The following MYO1C variants were observed in gnomAD, a reference collection of about 807,000 sequenced individuals.
MYO1C encodes the protein myosin IC, also known as unconventional myosin-Ic.
A neutral mutation model predicts 150.8 loss-of-function variants in MYO1C; 104 were observed. The ratio of observed to expected loss-of-function variants is 0.69; its 90% CI spans 0.59 to 0.81. The LOEUF (loss-of-function observed/expected upper bound fraction) is 0.81. MYO1C is among the 30% of genes least tolerant of loss of function. The pLI is 0.00. For synonymous variants in MYO1C, 663 were observed against 579.9 expected, an observed-to-expected ratio of 1.14 and a Z score of -2.06; for missense variants, 1,504 against 1,435.0, an observed-to-expected ratio of 1.05 and a Z score of -0.78.
chr17:1,467,048 G>C (rs148347665), intron 31 of MYO1C, among the ~76,000 whole-genome samples, 194 bp downstream of exon 31: 1 of 152,204 alleles, frequency 6.6e-6, no homozygotes, highest in Non-Finnish European at 1.5e-5. Flanking sequence ...ATGAGCCACC[G>C]TGCTGCCACC....
At position 1,479,378 on chromosome 17, in the gene MYO1C, G is replaced by T; in HGVS notation, c.1092+53C>A. On this transcript the variant is annotated intron_variant, in intron 9 of 31. Transcript: ENST00000648651. This position sits in a 1 kb window ranked among gnomAD's most constrained non-coding sequence, Gnocchi z 4.2. The stretch of plus-strand genomic sequence containing the variant: ...GCGAAGGGGAGTGATGGGAGTAGGG[G>T]CTGCCTTGGAACAGCTGCCCCTCCA... 1 of 846,234 alleles carries T rather than the reference G, an allele frequency of 1.2e-6. No homozygotes were observed. The highest frequency in any genetic ancestry group is 1.9e-6 in the Non-Finnish European group (1 of 514,392). 52.4% of individuals were successfully genotyped at this position (846,234 alleles called of 1,614,324 possible).
intron 14 of MYO1C, among the ~76,000 whole-genome samples, chr17:1,475,484 C>T (rs1313711075): frequency 6.6e-6 from 1 of 152,156 alleles, no homozygotes; most frequent in Non-Finnish European, 1.5e-5. Flanking sequence ...CATGGAGGCT[C>T]AGAGAGGTAG....
intron 14 of MYO1C, among the ~76,000 whole-genome samples, chr17:1,475,519 T>C (rs2074387532): frequency 6.6e-6 from 1 of 152,144 alleles, no homozygotes; most frequent in South Asian, 2.1e-4. Flanking sequence ...GGCCACACAG[T>C]GCCAGGACCG....
intron 3 of MYO1C, 107 bp downstream of exon 3, chr17:1,483,503 G>A: frequency 1.2e-6 from 1 of 809,116 alleles, no homozygotes; most frequent in Non-Finnish European, 2.0e-6. Flanking sequence ...ATTCCTCACA[G>A]ATGTGGCGCG....
At chr17:1,469,287 G>A (rs143485852) in intron 25 of MYO1C, 15 of 549,584 alleles carry the variant, frequency 2.7e-5, no homozygotes, top group Non-Finnish European at 4.4e-5. Flanking sequence ...AGAGTAGACT[G>A]GGGTAAATAC....
chr17:1,487,397 G>A (rs1026078019), intron 1 of MYO1C, among the ~76,000 whole-genome samples: 7 of 152,344 alleles, frequency 4.6e-5, no homozygotes, highest in African/African-American at 1.7e-4. Flanking sequence ...CCAGCTCGCG[G>A]ACCCCGCTCC....
At chr17:1,473,238 G>C (rs2074340127) in intron 17 of MYO1C, among the ~76,000 whole-genome samples, 2 of 152,052 alleles carry the variant, frequency 1.3e-5, no homozygotes, top group South Asian at 4.1e-4. Flanking sequence ...ATGACACCCA[G>C]GTTTCTGGCC....
At chr17:1,477,415 G>A in intron 14 of MYO1C, 90 bp downstream of exon 14, 1 of 1,178,340 alleles carries the variant, frequency 8.5e-7, no homozygotes. Flanking sequence ...CCTTGTGGCT[G>A]GTGTTTTGTG....
intron 17 of MYO1C, 74 bp from the exon 18 acceptor site, chr17:1,472,302 C>G: frequency 1.5e-6 from 2 of 1,329,362 alleles, no homozygotes; most frequent in Non-Finnish European, 2.2e-6. Flanking sequence ...GAGTACCCCA[C>G]TCCCCTGGCT....
chr17:1,474,427 CAAAAAAAAAA>C (rs869242496), intron 17 of MYO1C, among the ~76,000 whole-genome samples, 173 bp downstream of exon 17: 59 of 85,722 alleles, frequency 6.9e-4, no homozygotes, highest in Non-Finnish European at 1.4e-3. Context: ...GACCCTGTCT[CAAAAAAAAAA>C]AAAAAAAAAA....
rs2074452871 is a variant in MYO1C, at chr17:1,478,747, G to A, written c.1093-12C>T. On this transcript the variant is annotated splice_polypyrimidine_tract_variant and intron_variant, in intron 9 of 31. Transcript: ENST00000648651. This position sits in a 1 kb window ranked among gnomAD's most constrained non-coding sequence, Gnocchi z 6.3. ...AGCGGGCTCAGGAGCTGTGGACGCA[G>A]CGTGAGACAAGGAGATGAATGCCAC... The A allele has an allele frequency of 1.2e-6, 2 of 1,613,436 alleles. No homozygotes were observed. The highest frequency in any genetic ancestry group is 4.5e-5 in the East Asian group (2 of 44,898).
Position 1,480,784 on chromosome 17 carries a change from C to T in MYO1C, c.729G>A (p.Leu243=). The part of the protein sequence containing the change: ...GERNFHIFYQ[L]LEGGEEETLR... ...GAGTCTCCTCCTCGCCCCCCTCCAGCAGCTGGTAGAAGATGTGGAAGTTCC... is the reference window on the plus strand; with the variant it reads ...GAGTCTCCTCCTCGCCCCCCTCCAGTAGCTGGTAGAAGATGTGGAAGTTCC... Residue 243 remains leucine, a synonymous_variant, in exon 6 of 32, where the codon CTG becomes CTA. Coordinates refer to ENST00000648651, the MANE Select transcript of MYO1C (RefSeq NM_001080779.2). The T allele has an allele frequency of 1.2e-6, 2 of 1,614,202 alleles. No homozygotes were observed. The highest frequency in any genetic ancestry group is 1.7e-5 in the Admixed American group (1 of 60,024).
At position 1,472,040 on chromosome 17, in the gene MYO1C, C is replaced by T. The variant is rs781737062; in HGVS notation, c.1904-16G>A. ...TCAAAGCGGCCTGGGGTAGGGGGAG[C>T]GCCGTGGTCAGCGGGCTGGCGCTGA... On this transcript the variant is annotated splice_polypyrimidine_tract_variant and intron_variant, in intron 18 of 31. Transcript: ENST00000648651. 5.0e-6 allele frequency: 8 copies of T among 1,613,500 alleles called. No individual in the cohort carries two copies. The highest frequency in any genetic ancestry group is 1.7e-5 in the Admixed American group (1 of 59,998).
rs140932272 is a variant in MYO1C at position 1,480,737 on chromosome 17, C to T, written c.776G>A (p.Arg259Gln). ...EETLRRLGLE[R>Q]NPQSYLYLVK... Reference sequence around the variant, plus strand: ...CAGGTACAGGTAGCTCTGGGGGTTCCGTTCCAAGCCCAGCCTGCGAAGAGT... The same window carrying T: ...CAGGTACAGGTAGCTCTGGGGGTTCTGTTCCAAGCCCAGCCTGCGAAGAGT... The change falls in exon 6 of 32, where the codon CGG (arginine) becomes CAG (glutamine). Residue 259 changes from arginine (R) to glutamine (Q), a missense_variant. Transcript: ENST00000648651. 3.9e-4 allele frequency: 635 copies of T among 1,614,156 alleles called. 3 individuals are homozygous for T. In the East Asian group the frequency reaches 0.01, roughly 26 times the overall value.
chr17:1,488,070 G>C (rs1399938995), intron 1 of MYO1C, among the ~76,000 whole-genome samples: 1 of 152,122 alleles, frequency 6.6e-6, no homozygotes, highest in East Asian at 1.9e-4. Context: ...CCCGCGAGGC[G>C]TGGGGGACTC....
Position 1,482,982 on chromosome 17 carries a change from C to G in MYO1C, c.425G>C (p.Ser142Thr), listed in dbSNP as rs1209104738. Residue 142 changes from serine to threonine, a missense_variant, in exon 4 of 32, where the codon AGC becomes ACC. Transcript: ENST00000648651. Reference protein sequence around the residue: ...RDQAVMISGESGAGKTEATKR... With the variant: ...RDQAVMISGETGAGKTEATKR... ...GGTGGCCTCGGTCTTGCCTGCCCCG[C>G]TCTCCCCAGAGATCATCACAGCCTG... 2 of 1,612,610 alleles carry G rather than the reference C, an allele frequency of 1.2e-6. No individual in the cohort carries two copies. Among genetic ancestry groups the G allele is most frequent in the Non-Finnish European group, 1.7e-6 (2 of 1,179,958 alleles).
At chr17:1,486,453 G>C (rs941672791) in intron 1 of MYO1C, among the ~76,000 whole-genome samples, 6 of 151,380 alleles carry the variant, frequency 4.0e-5, no homozygotes, top group Non-Finnish European at 1.5e-5. Context: ...GGGGCCCACA[G>C]CCTCTCCCCA....
intron 25 of MYO1C, 81 bp from the exon 26 acceptor site, chr17:1,468,577 G>A (rs1598321014): frequency 8.6e-7 from 1 of 1,166,856 alleles, no homozygotes; most frequent in East Asian, 2.4e-5. Flanking sequence ...TAGGACCTGA[G>A]ACAGCCTCCC....
At chr17:1,489,257 T>C (rs1210421786) in intron 1 of MYO1C, among the ~76,000 whole-genome samples, 3 of 152,300 alleles carry the variant, frequency 2.0e-5, no homozygotes, top group Middle Eastern at 3.4e-3. Context: ...GGGGAGGAGA[T>C]AGTGGCGACT....
Sources: allele counts gnomAD v4.1 joint callset (sites outside exome capture counted in the v4.1 genomes callset), GRCh38; gene constraint gnomAD v4.1.1; non-coding constraint Gnocchi (gnomAD v3.1); transcripts MANE v1.5; gene names NCBI Gene and HGNC (gene_info 2026-07-23, HGNC 2026-07-21).